SYNPR: variants seen among roughly 807,000 people sequenced by gnomAD.
SYNPR encodes synaptoporin.
SYNPR carries 23 observed loss-of-function variants against 32.9 expected under a neutral mutation model. The ratio of observed to expected loss-of-function variants is 0.70; its 90% CI spans 0.50 to 0.99. The LOEUF is 0.99. Among genes scored for constraint, SYNPR ranks in the 50% least tolerant of loss-of-function variants. SYNPR has a pLI of 0.00. For synonymous variants in SYNPR, 146 were observed against 135.9 expected (o/e 1.07, Z -0.52); for missense variants, 318 against 349.3 (o/e 0.91, Z 0.71).
At chr3:63,603,514 T>C (rs975367075) in intron 4 of SYNPR, among the ~76,000 whole-genome samples, 16 of 152,198 alleles carry the variant, frequency 1.1e-4, no homozygotes, top group African/African-American at 3.6e-4. Flanking sequence ...TTGAAGTATG[T>C]TTCTTCAATG....
At chr3:63,348,181 A>G (rs1167001386) in intron 2 of SYNPR, among the ~76,000 whole-genome samples, 2 of 152,056 alleles carry the variant, frequency 1.3e-5, no homozygotes, top group Non-Finnish European at 2.9e-5. Context: ...TCCATGTCCT[A>G]ACCAACATGT....
chr3:63,316,014 T>C (rs2087039711), intron 2 of SYNPR, among the ~76,000 whole-genome samples: 1 of 152,140 alleles, frequency 6.6e-6, no homozygotes, highest in East Asian at 1.9e-4. Context: ...TTTTTGTTTT[T>C]AATTCTGTTT....
At chr3:63,613,610 C>CAAAAA (rs10566584) in intron 5 of SYNPR, among the ~76,000 whole-genome samples, 1,393 of 46,028 alleles carry the variant, frequency 0.03, 260 homozygotes, top group South Asian at 0.035. Flanking sequence ...TATGCTGCAG[C>CAAAAA]AAAAAAAAAA....
At chr3:63,383,870 A>C (rs2088007440) in intron 2 of SYNPR, among the ~76,000 whole-genome samples, 1 of 152,220 alleles carries the variant, frequency 6.6e-6, no homozygotes, top group Non-Finnish European at 1.5e-5. Context: ...TAAGTACTAG[A>C]TCTTAAATGT....
upstream of SYNPR, among the ~76,000 whole-genome samples, chr3:63,276,384 G>A (rs757627295): frequency 6.6e-5 from 10 of 152,142 alleles, no homozygotes; most frequent in Non-Finnish European, 1.0e-4. Context: ...TGCTTCTATA[G>A]AAGTGATATG....
intron 2 of SYNPR, among the ~76,000 whole-genome samples, chr3:63,263,192 T>A (rs1022836157): frequency 2.6e-5 from 4 of 152,196 alleles, no homozygotes; most frequent in African/African-American, 9.7e-5. Context: ...ATGAGATGTA[T>A]CCATATTTAT....
chr3:63,579,819 ACACACG>A (rs1439030903), intron 4 of SYNPR, among the ~76,000 whole-genome samples: 1 of 150,168 alleles, frequency 6.7e-6, no homozygotes, highest in Non-Finnish European at 1.5e-5. Flanking sequence ...ACACACACAC[ACACACG>A]CACACACACA....
chr3:63,572,476 T>C (rs1424752818), intron 4 of SYNPR, among the ~76,000 whole-genome samples: 1 of 152,188 alleles, frequency 6.6e-6, no homozygotes, highest in Non-Finnish European at 1.5e-5. Context: ...CCTGAGTCTC[T>C]CTATCCTCGC....
chr3:63,383,214 C>G (rs1314623875), intron 2 of SYNPR, among the ~76,000 whole-genome samples: 2 of 152,152 alleles, frequency 1.3e-5, no homozygotes, highest in Non-Finnish European at 2.9e-5. Flanking sequence ...AGAGCACACC[C>G]TTTTCCCAAA....
intron 2 of SYNPR, among the ~76,000 whole-genome samples, chr3:63,450,094 G>C (rs1250289660): frequency 6.6e-6 from 1 of 152,192 alleles, no homozygotes; most frequent in Non-Finnish European, 1.5e-5. Context: ...TAGGGAATTT[G>C]AGATCTACAG....
At chr3:63,544,289 C>T (rs188089439) in intron 3 of SYNPR, among the ~76,000 whole-genome samples, 113 of 152,148 alleles carry the variant, frequency 7.4e-4, no homozygotes, top group African/African-American at 2.4e-3. Flanking sequence ...TAAATACGTT[C>T]AACAAACTGT....
At chr3:63,506,320 T>G (rs1421753009) in intron 3 of SYNPR, among the ~76,000 whole-genome samples, 1 of 152,196 alleles carries the variant, frequency 6.6e-6, no homozygotes, top group African/African-American at 2.4e-5. Context: ...CTGCACTTTC[T>G]ACTTCTCAGT....
At chr3:63,605,489 T>C (rs1246335545) in intron 4 of SYNPR, among the ~76,000 whole-genome samples, 1 of 152,236 alleles carries the variant, frequency 6.6e-6, no homozygotes, top group Non-Finnish European at 1.5e-5. Flanking sequence ...CATTTCCTCT[T>C]ACAGCCATTC....
intron 2 of SYNPR, among the ~76,000 whole-genome samples, chr3:63,321,002 A>T (rs2087105975): frequency 6.6e-6 from 1 of 152,058 alleles, no homozygotes; most frequent in African/African-American, 2.4e-5. Context: ...GAAAATATGT[A>T]TTCCAGAAAA....
intron 3 of SYNPR, among the ~76,000 whole-genome samples, chr3:63,486,351 A>G (rs1701150419): frequency 6.6e-6 from 1 of 152,188 alleles, no homozygotes; most frequent in African/African-American, 2.4e-5. Flanking sequence ...GAGGATGACA[A>G]TCCCAACTTT....
chr3:63,521,154 A>G (rs1260736308), intron 3 of SYNPR, among the ~76,000 whole-genome samples: 1 of 152,190 alleles, frequency 6.6e-6, no homozygotes, highest in Non-Finnish European at 1.5e-5. Flanking sequence ...CCCCTTGAAG[A>G]CAATGCTTCT....
chr3:63,277,212 G>T (rs190555554), upstream of SYNPR, among the ~76,000 whole-genome samples: 12 of 152,092 alleles, frequency 7.9e-5, no homozygotes, highest in African/African-American at 2.7e-4. Context: ...ATCCTTCCAT[G>T]GGCCTCAATT....
chr3:63,337,049 T>C (rs1427179504), intron 2 of SYNPR, among the ~76,000 whole-genome samples: 1 of 151,862 alleles, frequency 6.6e-6, no homozygotes, highest in Non-Finnish European at 1.5e-5. Flanking sequence ...CTGGCCAACA[T>C]GGTGAAATCT....
At chr3:63,338,794 G>T (rs1047582147) in intron 2 of SYNPR, among the ~76,000 whole-genome samples, 1 of 152,176 alleles carries the variant, frequency 6.6e-6, no homozygotes, top group African/African-American at 2.4e-5. Context: ...CTGTTCACAG[G>T]TTTCTCCGAA....
Sources: gnomAD v4.1 joint callset for allele counts (sites outside exome capture counted in the v4.1 genomes callset) on GRCh38, gnomAD v4.1.1 for gene constraint, MANE v1.5 for transcripts, NCBI Gene and HGNC (gene_info 2026-07-23, HGNC 2026-07-21) for gene names.